ZBTB34: variants seen among roughly 807,000 people sequenced by gnomAD.
The protein encoded by ZBTB34 is zinc finger and BTB domain-containing protein 34.
Under a neutral mutation model 33.4 loss-of-function variants are expected in ZBTB34, and 1 was observed. That is an observed-to-expected ratio of 0.03 (90% CI 0.01 to 0.14). ZBTB34 has a LOEUF of 0.14. Among genes scored for constraint, ZBTB34 ranks in the 10% least tolerant of loss-of-function variants. The pLI is 1.00. For missense variants in ZBTB34, 406 were observed against 657.2 expected, an observed-to-expected ratio of 0.62 and a Z score of 4.18; for synonymous variants, 283 against 253.5, an observed-to-expected ratio of 1.12 and a Z score of -1.11.
chr9:126,874,039 T>TTTTTG (rs1333540048), intron 1 of ZBTB34, among the ~76,000 whole-genome samples: 3 of 124,290 alleles, frequency 2.4e-5, no homozygotes, highest in African/African-American at 9.2e-5. Context: ...GTATGTTCTT[T>TTTTTG]TTTTTTTTTT....
At chr9:126,865,077 T>C (rs1446861003) in intron 1 of ZBTB34, among the ~76,000 whole-genome samples, 6 of 151,956 alleles carry the variant, frequency 3.9e-5, no homozygotes. Context: ...GTAACTTTCC[T>C]TTCTTTTCTT....
intron 1 of ZBTB34, among the ~76,000 whole-genome samples, chr9:126,867,591 A>G (rs1332812005): frequency 2.0e-5 from 3 of 151,146 alleles, no homozygotes; most frequent in East Asian, 1.9e-4. Context: ...TTTCCTCAAT[A>G]TATCATTTAT....
chr9:126,879,366 G>A lies in ZBTB34; in HGVS notation c.-10-24G>A, dbSNP rs1433722109. 1 of 1,561,936 alleles carries A rather than the reference G, an allele frequency of 6.4e-7. No homozygotes were observed. The highest frequency in any genetic ancestry group is 1.4e-5 in the African/African-American group (1 of 73,652). ...ACTTAGTGAGGAGTCATTGGTGAATGATGCAAACTCTCTCTCTCCGCAGAG... is the reference window on the plus strand; with the variant it reads ...ACTTAGTGAGGAGTCATTGGTGAATAATGCAAACTCTCTCTCTCCGCAGAG... On this transcript the variant is annotated intron_variant, in intron 1 of 1. Coordinates refer to ENST00000319119, the Ensembl canonical transcript of ZBTB34. This position sits in a 1 kb window ranked among gnomAD's most constrained non-coding sequence, Gnocchi z 6.4.
chr9:126,869,484 C>T (rs1011935022), intron 1 of ZBTB34, among the ~76,000 whole-genome samples: 1 of 152,088 alleles, frequency 6.6e-6, no homozygotes, highest in South Asian at 2.1e-4. Context: ...AAGCTGGTCA[C>T]GGATGATGAC....
chr9:126,872,264 T>G (rs1286627685), intron 1 of ZBTB34, among the ~76,000 whole-genome samples: 3 of 152,152 alleles, frequency 2.0e-5, no homozygotes, highest in Non-Finnish European at 2.9e-5. Context: ...AAAAAACTTT[T>G]TTAAAAGCTG....
intron 1 of ZBTB34, among the ~76,000 whole-genome samples, chr9:126,861,093 C>T (rs1233709830): frequency 2.0e-5 from 3 of 152,184 alleles, no homozygotes; most frequent in African/African-American, 7.2e-5. Context: ...CCCCAGCTTC[C>T]GGGCCCCTAG....
At chr9:126,881,506 A>C (rs1182376069) in exon 2 of ZBTB34, 1 of 166,848 alleles carries the variant, frequency 6.0e-6, no homozygotes, top group African/African-American at 2.4e-5. Flanking sequence ...TCTCATCCCT[A>C]CCTAATATGT....
exon 2 of ZBTB34, chr9:126,885,069 C>G (rs1319542250): frequency 6.0e-6 from 1 of 167,036 alleles, no homozygotes; most frequent in African/African-American, 2.4e-5. Context: ...TCATATTACT[C>G]AGTGCAACTG....
chr9:126,871,004 C>T (rs1038316723), intron 1 of ZBTB34, among the ~76,000 whole-genome samples: 1 of 151,630 alleles, frequency 6.6e-6, no homozygotes, highest in Non-Finnish European at 1.5e-5. Flanking sequence ...TGAAAGGGTT[C>T]GATACCCATT....
intron 1 of ZBTB34, among the ~76,000 whole-genome samples, chr9:126,862,915 CTT>C (rs11363063): frequency 1.4e-3 from 205 of 144,536 alleles, no homozygotes; most frequent in Middle Eastern, 3.6e-3. Context: ...TGTAATTTGC[CTT>C]TTTTTTTTTT....
In ZBTB34 at chr9:126,879,290, A is replaced by T; in HGVS notation, c.-10-100A>T. On this transcript the variant is annotated intron_variant, in intron 1 of 1. Coordinates refer to ENST00000319119, the Ensembl canonical transcript of ZBTB34. The surrounding 1 kb of genome is among the most constrained non-coding windows in gnomAD (Gnocchi z 6.4). Reference sequence around the variant, plus strand: ...ATGCTTCAGGTAGATTTTAGGAGGTATGATAGCCACAATGGTATTGTTGTT... The same window carrying T: ...ATGCTTCAGGTAGATTTTAGGAGGTTTGATAGCCACAATGGTATTGTTGTT... The T allele has an allele frequency of 1.0e-6, 1 of 974,144 alleles. No individual in the cohort carries two copies. Among genetic ancestry groups the T allele is most frequent in the Non-Finnish European group, 1.5e-6 (1 of 658,524 alleles). The allele number at this position is 974,144 out of a possible 1,614,324, so 60.3% of individuals were successfully genotyped here.
chr9:126,863,499 C>T (rs1352458864), intron 1 of ZBTB34, among the ~76,000 whole-genome samples: 1 of 152,168 alleles, frequency 6.6e-6, no homozygotes, highest in African/African-American at 2.4e-5. Flanking sequence ...AATCTAGTTA[C>T]GTTTTATTCC....
chr9:126,869,938 A>T (rs933647751), intron 1 of ZBTB34, among the ~76,000 whole-genome samples: 1 of 152,194 alleles, frequency 6.6e-6, no homozygotes, highest in Non-Finnish European at 1.5e-5. Context: ...GAAGTATCTC[A>T]CATTCTTTTT....
At chr9:126,869,978 G>T (rs1588386696) in intron 1 of ZBTB34, among the ~76,000 whole-genome samples, 1 of 152,142 alleles carries the variant, frequency 6.6e-6, no homozygotes, top group East Asian at 1.9e-4. Flanking sequence ...AACAAAAACA[G>T]AATTTTTGTT....
chr9:126,880,812 A>G lies in ZBTB34; in HGVS notation c.1413A>G (p.Thr471=). The G allele has an allele frequency of 1.2e-6, 2 of 1,613,814 alleles. No individual in the cohort carries two copies. Among genetic ancestry groups the G allele is most frequent in the Admixed American group, 1.7e-5 (1 of 60,014 alleles). The change falls in exon 2 of 2, where the codon ACA becomes ACG. Residue 471 remains threonine (T), a synonymous_variant. Coordinates refer to ENST00000319119, the Ensembl canonical transcript of ZBTB34. The surrounding 1 kb of genome is among the most constrained non-coding windows in gnomAD (Gnocchi z 6.7). Reference sequence around the variant, plus strand: ...GTCGCATTGAGTCCCCCGAGAGAACAGATGTGTACGTGGAACAGAAACTAG... The same window carrying G: ...GTCGCATTGAGTCCCCCGAGAGAACGGATGTGTACGTGGAACAGAAACTAG...
chr9:126,882,188 T>C (rs1285463755), exon 2 of ZBTB34: 1 of 167,110 alleles, frequency 6.0e-6, no homozygotes, highest in Non-Finnish European at 1.5e-5. Context: ...ACCAACAGTT[T>C]AAAAGCCCTC....
intron 1 of ZBTB34, among the ~76,000 whole-genome samples, chr9:126,868,008 G>T (rs1437398806): frequency 6.6e-6 from 1 of 152,148 alleles, no homozygotes; most frequent in Non-Finnish European, 1.5e-5. Context: ...TACTAACTCA[G>T]TGAGGGTGGG....
chr9:126,864,655 T>A (rs368677685), intron 1 of ZBTB34, among the ~76,000 whole-genome samples: 73 of 152,284 alleles, frequency 4.8e-4, no homozygotes, highest in Middle Eastern at 6.8e-3. Flanking sequence ...TTATTTATTT[T>A]TTTTTTCTTG....
chr9:126,884,189 T>C (rs2119242466), exon 2 of ZBTB34: 1 of 167,166 alleles, frequency 6.0e-6, no homozygotes, highest in South Asian at 2.1e-4. Context: ...TATTAGACAA[T>C]GTGAAGACAG....
Sources: gnomAD v4.1 joint callset for allele counts (sites outside exome capture counted in the v4.1 genomes callset) on GRCh38, gnomAD v4.1.1 for gene constraint, Gnocchi (gnomAD v3.1) non-coding constraint, MANE v1.5 for transcripts, NCBI Gene and HGNC (gene_info 2026-07-23, HGNC 2026-07-21) for gene names.